ZNF845: variants seen among roughly 807,000 people sequenced by gnomAD.
ZNF845 encodes the protein zinc finger protein 845.
In ZNF845, 59 loss-of-function variants were observed where a neutral mutation model predicts 76.1. That is an observed-to-expected ratio of 0.78 (90% CI 0.63 to 0.96). The LOEUF (loss-of-function observed/expected upper bound fraction) is 0.96, where lower values mean the gene tolerates loss of function less well. ZNF845 is among the 40% of genes least tolerant of loss of function. ZNF845 has a pLI of 0.00. For synonymous variants in ZNF845, 361 were observed against 386.9 expected, an observed-to-expected ratio of 0.93 and a Z score of 0.78; for missense variants, 1,045 against 1,172.8, an observed-to-expected ratio of 0.89 and a Z score of 1.59.
intron 1 of ZNF845, among the ~76,000 whole-genome samples, chr19:53,339,411 C>T (rs553292390): frequency 1.3e-5 from 2 of 152,324 alleles, no homozygotes; most frequent in Admixed American, 6.5e-5. Flanking sequence ...TGATGCTTCC[C>T]CAGGTGGGCG....
chr19:53,341,431 C>T (rs994256011), intron 2 of ZNF845, 109 bp downstream of exon 2: 18 of 1,495,372 alleles, frequency 1.2e-5, no homozygotes, highest in Non-Finnish European at 1.3e-5. Context: ...GACAGGTTTG[C>T]TCGCACTCAC....
chr19:53,336,209 CAA>C (rs34338136), intron 1 of ZNF845, among the ~76,000 whole-genome samples: 61 of 112,750 alleles, frequency 5.4e-4, no homozygotes, highest in Non-Finnish European at 4.8e-4. Context: ...GACTCCATCT[CAA>C]AAAAAAAAAA....
chr19:53,340,263 G>A (rs1191375994), intron 1 of ZNF845, among the ~76,000 whole-genome samples: 1 of 152,188 alleles, frequency 6.6e-6, no homozygotes, highest in Non-Finnish European at 1.5e-5. Flanking sequence ...TGTTGGCCAG[G>A]CTGGTTTCGA....
chr19:53,354,324 T>C lies in ZNF845; in HGVS notation c.*736T>C. ...GAGTCAATTCAGCATTGACTTGAGT[T>C]TGAATTGACTTAACATTGAGTTCAA... On this transcript the variant is annotated 3_prime_UTR_variant, in exon 4 of 4. Coordinates refer to ENST00000458035, the MANE Select transcript of ZNF845 (RefSeq NM_138374.3). 2.7e-6 allele frequency: 1 copy of C among 374,050 alleles called. No homozygotes were observed. The allele number at this position is 374,050 out of a possible 1,614,324, so 23.2% of individuals were successfully genotyped here.
chr19:53,352,519 T>G lies in ZNF845; in HGVS notation c.1844T>G (p.Phe615Cys), dbSNP rs2085347983. The change falls in exon 4 of 4, where the codon TTT becomes TGT. Residue 615 changes from phenylalanine (F) to cysteine (C), a missense_variant. By Grantham distance (205) the Phe-to-Cys change is radical. Transcript: ENST00000458035. Reference sequence around the variant, plus strand: ...TACAAGTGTAATAGATGTGGCAAATTTTTCAGACATCGTTCATACCTTGCA... The same window carrying G: ...TACAAGTGTAATAGATGTGGCAAATGTTTCAGACATCGTTCATACCTTGCA... ...RSYKCNRCGK[F>C]FRHRSYLAVH... is the part of the protein sequence containing the mutation. The G allele has an allele frequency of 1.2e-6, 2 of 1,607,628 alleles. No homozygotes were observed. The highest frequency in any genetic ancestry group is 1.7e-6 in the Non-Finnish European group (2 of 1,176,792).
intron 3 of ZNF845, among the ~76,000 whole-genome samples, chr19:53,349,021 T>C (rs2085315982): frequency 6.6e-6 from 1 of 151,738 alleles, no homozygotes; most frequent in Non-Finnish European, 1.5e-5. Flanking sequence ...CATGCCCAGC[T>C]AATTTTTTTT....
intron 2 of ZNF845, among the ~76,000 whole-genome samples, chr19:53,343,643 C>T (rs1405269024): frequency 1.3e-5 from 2 of 152,134 alleles, no homozygotes; most frequent in Non-Finnish European, 2.9e-5. Context: ...CATGCATATA[C>T]ATACATATAT....
At chr19:53,347,275 C>CTTTTTTT (rs778703414) in intron 3 of ZNF845, among the ~76,000 whole-genome samples, 1 of 141,666 alleles carries the variant, frequency 7.1e-6, no homozygotes, top group Non-Finnish European at 1.6e-5. Flanking sequence ...TTCTTTCTTT[C>CTTTTTTT]TTTTTTTTTT....
chr19:53,351,990 T>C lies in ZNF845; in HGVS notation c.1315T>C (p.Tyr439His). The C allele has an allele frequency of 1.9e-6, 3 of 1,614,066 alleles. No homozygotes were observed. Among genetic ancestry groups the C allele is most frequent in the Non-Finnish European group, 2.5e-6 (3 of 1,180,006 alleles). The change falls in exon 4 of 4, where the codon TAC becomes CAC. Residue 439 changes from tyrosine to histidine, a missense_variant. Coordinates refer to ENST00000458035, the MANE Select transcript of ZNF845 (RefSeq NM_138374.3). ...TAGACTTCATACTGGAGAGAAACCT[T>C]ACAAATGTGAAGAATGTGATGAAGC... Reference protein sequence around the residue: ...HRRLHTGEKPYKCEECDEAFS... With the variant: ...HRRLHTGEKPHKCEECDEAFS...
In ZNF845 at chr19:53,351,951, C is replaced by A. The variant is rs768913907; in HGVS notation, c.1276C>A (p.Leu426Ile). Residue 426 changes from leucine to isoleucine, a missense_variant, in exon 4 of 4, where the codon CTT becomes ATT. By Grantham distance (5) the Leu-to-Ile change is conservative. Transcript: ENST00000458035. ...CAAGACCTTCAGTCAGATGTCATCC[C>A]TTGTATACCATCGTAGACTTCATAC... The part of the protein sequence containing the change: ...CGKTFSQMSS[L>I]VYHRRLHTGE... The A allele has an allele frequency of 6.2e-7, 1 of 1,613,824 alleles. No homozygotes were observed. The highest frequency in any genetic ancestry group is 1.3e-5 in the African/African-American group (1 of 74,904).
In ZNF845 at chr19:53,355,692, T is replaced by A. The variant is rs1173498024; in HGVS notation, c.*2104T>A. ...CCTAGGACAGCCAGTATTTATTGAA[T>A]ATCAGGGGTGAGAGCATTCTTGCAT... On this transcript the variant is annotated 3_prime_UTR_variant, in exon 4 of 4. Coordinates refer to ENST00000458035, the MANE Select transcript of ZNF845 (RefSeq NM_138374.3). The A allele has an allele frequency of 6.6e-6, 1 of 152,206 alleles. No homozygotes were observed. The highest frequency in any genetic ancestry group is 1.5e-5 in the Non-Finnish European group (1 of 68,046). 9.4% of individuals were successfully genotyped at this position (152,206 alleles called of 1,614,324 possible). A position where few individuals can be genotyped will look rare whatever the true frequency, so the allele number is the denominator to read the frequency against.
At chr19:53,343,109 GCGCC>G (rs2085268636) in intron 2 of ZNF845, among the ~76,000 whole-genome samples, 2 of 152,046 alleles carry the variant, frequency 1.3e-5, no homozygotes, top group Non-Finnish European at 2.9e-5. Flanking sequence ...GTGATCCACC[GCGCC>G]CAGCCCCCAA....
chr19:53,353,236 C>A lies in ZNF845; in HGVS notation c.2561C>A (p.Thr854Asn), dbSNP rs1206747650. 1 of 1,613,810 alleles carries A rather than the reference C, an allele frequency of 6.2e-7. No homozygotes were observed. Among genetic ancestry groups the A allele is most frequent in the African/African-American group, 1.3e-5 (1 of 74,952 alleles). The change falls in exon 4 of 4, where the codon ACT (threonine) becomes AAT (asparagine). Residue 854 changes from threonine to asparagine, a missense_variant. Coordinates refer to ENST00000458035, the MANE Select transcript of ZNF845 (RefSeq NM_138374.3). ...CTTGAAATTCATAAGGCAATTCATA[C>A]TGGAGAAAAACCTTACAAGTGTAGT... ...SALEIHKAIHTGEKPYKCSEC... is the reference protein window; with the variant it reads ...SALEIHKAIHNGEKPYKCSEC...
intron 1 of ZNF845, among the ~76,000 whole-genome samples, chr19:53,339,171 G>C (rs899113581): frequency 1.3e-5 from 2 of 152,192 alleles, no homozygotes; most frequent in Non-Finnish European, 2.9e-5. Context: ...GGGGCCACTG[G>C]TTCCTGGGAA....
At chr19:53,341,423 C>A in intron 2 of ZNF845, 101 bp downstream of exon 2, 1 of 1,544,922 alleles carries the variant, frequency 6.5e-7, no homozygotes. Context: ...TCCTGCCTGA[C>A]AGGTTTGCTC....
rs571370418 is a variant in ZNF845 at position 53,355,547 on chromosome 19, G to T, written c.*1959G>T. 6.6e-6 allele frequency: 1 copy of T among 151,812 alleles called. No individual in the cohort carries two copies. The highest frequency in any genetic ancestry group is 2.4e-5 in the African/African-American group (1 of 41,312). The allele number at this position is 151,812 out of a possible 1,614,324, so 9.4% of individuals were successfully genotyped here. ...CCTAACCTCATTATCCGCCCACTTC[G>T]GACTTGCAAATTGCTGGGATTATGG... is the stretch of plus-strand genomic sequence containing the variant. On this transcript the variant is annotated 3_prime_UTR_variant, in exon 4 of 4. Transcript: ENST00000458035.
At position 53,340,153 on chromosome 19, in the gene ZNF845, G is replaced by A. The variant is rs2085245838; in HGVS notation, c.-73-1082G>A. The stretch of plus-strand genomic sequence containing the variant: ...TGCAACCTCTGCCTCTGGAGTTTAA[G>A]CGATTCTCATGCCTCAGCCTCCTGA... On this transcript the variant is annotated intron_variant, in intron 1 of 3. Coordinates refer to ENST00000458035, the MANE Select transcript of ZNF845 (RefSeq NM_138374.3). 2.0e-5 allele frequency among the ~76,000 whole-genome samples: 3 copies of A among 152,220 alleles called. No individual in the cohort carries two copies. The South Asian group carries it at 6.2e-4, about 32-fold the overall frequency.
chr19:53,335,848 C>T (rs990076783), intron 1 of ZNF845, among the ~76,000 whole-genome samples: 4 of 151,980 alleles, frequency 2.6e-5, no homozygotes, highest in African/African-American at 9.7e-5. Context: ...ATGATCCACC[C>T]GCCTTGGCCC....
At chr19:53,348,919 C>T (rs1318103880) in intron 3 of ZNF845, among the ~76,000 whole-genome samples, 3 of 133,180 alleles carry the variant, frequency 2.3e-5, no homozygotes, top group Non-Finnish European at 4.6e-5. Context: ...TGCAGTGATG[C>T]GATCTCGTCT....
Sources: allele counts gnomAD v4.1 joint callset (sites outside exome capture counted in the v4.1 genomes callset), GRCh38; gene constraint gnomAD v4.1.1; transcripts MANE v1.5; gene names NCBI Gene and HGNC (gene_info 2026-07-23, HGNC 2026-07-21).